Variants in GFRA1 observed in about 807,000 individuals in gnomAD.
The protein encoded by GFRA1 is GDNF family receptor alpha 1, also known as GDNF family receptor alpha-1.
GFRA1 carries 16 observed loss-of-function variants against 51.6 expected under a neutral mutation model. The ratio of observed to expected loss-of-function variants is 0.31; its 90% CI spans 0.21 to 0.47. GFRA1 has a LOEUF of 0.47. Among genes scored for constraint, GFRA1 ranks in the 20% least tolerant of loss-of-function variants. GFRA1 has a pLI of 1.00. For synonymous variants in GFRA1, 270 were observed against 241.3 expected (o/e 1.12, Z -1.10); for missense variants, 530 against 594.3 (o/e 0.89, Z 1.13).
chr10:116,217,078 G>C (rs1965615320), intron 4 of GFRA1, among the ~76,000 whole-genome samples: 1 of 152,110 alleles, frequency 6.6e-6, no homozygotes, highest in Non-Finnish European at 1.5e-5. Flanking sequence ...CTCCCTACTT[G>C]TTGAGTACCC....
chr10:116,270,079 TAATAC>T (rs1262604520), intron 3 of GFRA1, among the ~76,000 whole-genome samples: 1 of 152,182 alleles, frequency 6.6e-6, no homozygotes, highest in Non-Finnish European at 1.5e-5. Flanking sequence ...CAAATCTGTA[TAATAC>T]AAATCTCCAG....
intron 4 of GFRA1, among the ~76,000 whole-genome samples, chr10:116,228,927 GC>G (rs1225633740): frequency 7.7e-6 from 1 of 129,942 alleles, no homozygotes; most frequent in East Asian, 2.6e-4. Context: ...GTTGCAGTGA[GC>G]CAAGATCGCG....
chr10:116,100,347 C>T (rs1007196700), intron 6 of GFRA1, among the ~76,000 whole-genome samples: 13 of 152,178 alleles, frequency 8.5e-5, no homozygotes, highest in Non-Finnish European at 1.2e-4. Flanking sequence ...AACCGAGGCA[C>T]GGAGCCTTTA....
intron 4 of GFRA1, among the ~76,000 whole-genome samples, chr10:116,265,133 T>A (rs1969563363): frequency 1.3e-5 from 2 of 152,232 alleles, no homozygotes; most frequent in African/African-American, 4.8e-5. Context: ...CATCTCATCC[T>A]GGAGCAAACC....
At chr10:116,254,517 A>AAAAG (rs1555173331) in intron 4 of GFRA1, among the ~76,000 whole-genome samples, 6 of 151,480 alleles carry the variant, frequency 4.0e-5, no homozygotes, top group Middle Eastern at 3.4e-3. Context: ...TTAAAAAAAA[A>AAAAG]AAGAAGAAGA....
rs760098275 is a variant in GFRA1, at chr10:116,089,870, T to C, written c.1068A>G (p.Pro356=). ...CAGTGGTGGTCTGTACTGGGAAGGC[T>C]GGCTGCCACACGGTCACATCGGAGC... ...GNGSDVTVWQ[P]AFPVQTTTAT... Residue 356 remains proline (P), a synonymous_variant, in exon 9 of 11, where the codon CCA becomes CCG. Coordinates refer to ENST00000355422, the MANE Select transcript of GFRA1 (RefSeq NM_005264.8). 1 of 1,614,030 alleles carries C rather than the reference T, an allele frequency of 6.2e-7. No homozygotes were observed. Among genetic ancestry groups the C allele is most frequent in the East Asian group, 2.2e-5 (1 of 44,870 alleles).
intron 5 of GFRA1, among the ~76,000 whole-genome samples, chr10:116,208,606 C>G (rs989714754): frequency 6.6e-6 from 1 of 152,142 alleles, no homozygotes; most frequent in Non-Finnish European, 1.5e-5. Flanking sequence ...CAGTTGACAG[C>G]GCAGGGAGAA....
At chr10:116,245,648 C>T (rs1199129795) in intron 4 of GFRA1, among the ~76,000 whole-genome samples, 1 of 152,180 alleles carries the variant, frequency 6.6e-6, no homozygotes, top group Non-Finnish European at 1.5e-5. Flanking sequence ...TAGCTTTATT[C>T]ATAATAAAAC....
intron 9 of GFRA1, among the ~76,000 whole-genome samples, chr10:116,069,197 G>A (rs919972415): frequency 6.6e-6 from 1 of 152,180 alleles, no homozygotes; most frequent in African/African-American, 2.4e-5. Flanking sequence ...AAGAGATGAA[G>A]AAGAGAAGAT....
intron 10 of GFRA1, among the ~76,000 whole-genome samples, chr10:116,064,829 A>G (rs984584159): frequency 6.6e-6 from 1 of 152,210 alleles, no homozygotes; most frequent in Admixed American, 6.5e-5. Context: ...ATCTGAGTTC[A>G]GGTACCCCTG....
intron 9 of GFRA1, among the ~76,000 whole-genome samples, chr10:116,085,179 C>T (rs564904924): frequency 6.6e-6 from 1 of 152,318 alleles, no homozygotes; most frequent in African/African-American, 2.4e-5. Context: ...TCCATAGCCA[C>T]CTAGTTCCCC....
chr10:116,229,735 G>A (rs191562281), intron 4 of GFRA1, among the ~76,000 whole-genome samples: 7 of 152,218 alleles, frequency 4.6e-5, no homozygotes, highest in East Asian at 1.9e-4. Flanking sequence ...CTAATACATC[G>A]ACATTTTAAG....
At chr10:116,137,246 G>T (rs1164588890) in intron 5 of GFRA1, among the ~76,000 whole-genome samples, 1 of 152,096 alleles carries the variant, frequency 6.6e-6, no homozygotes, top group Non-Finnish European at 1.5e-5. Context: ...TAAAGCCAAA[G>T]AATCAGCTGA....
intron 6 of GFRA1, among the ~76,000 whole-genome samples, chr10:116,113,936 A>T (rs1957310932): frequency 6.6e-6 from 1 of 152,146 alleles, no homozygotes; most frequent in Non-Finnish European, 1.5e-5. Flanking sequence ...CGTCACCGCC[A>T]TCCACTCGTT....
chr10:116,147,794 A>G (rs1958871834), intron 5 of GFRA1, among the ~76,000 whole-genome samples: 1 of 152,104 alleles, frequency 6.6e-6, no homozygotes, highest in Non-Finnish European at 1.5e-5. Flanking sequence ...AAAAGGTCTC[A>G]GGTTAAAAAT....
At chr10:116,259,163 C>T (rs1182825445) in intron 4 of GFRA1, among the ~76,000 whole-genome samples, 1 of 152,190 alleles carries the variant, frequency 6.6e-6, no homozygotes, top group Non-Finnish European at 1.5e-5. Context: ...ACATTATTAA[C>T]TGTACACAAA....
At chr10:116,162,915 C>T (rs189148945) in intron 5 of GFRA1, among the ~76,000 whole-genome samples, 24 of 152,274 alleles carry the variant, frequency 1.6e-4, no homozygotes, top group Middle Eastern at 3.4e-3. Context: ...GGCTTCCAGT[C>T]GCCTGTCTGA....
At chr10:116,220,191 T>C (rs959494774) in intron 4 of GFRA1, among the ~76,000 whole-genome samples, 3 of 152,208 alleles carry the variant, frequency 2.0e-5, no homozygotes, top group African/African-American at 7.2e-5. Flanking sequence ...CAAGATATTA[T>C]CTCAGTTTTA....
chr10:116,081,490 T>A (rs541895362), intron 9 of GFRA1, among the ~76,000 whole-genome samples: 2 of 152,254 alleles, frequency 1.3e-5, no homozygotes, highest in African/African-American at 4.8e-5. Context: ...GGTAATACAG[T>A]GTAGCCATTT....
Sources: gnomAD v4.1 joint callset for allele counts (sites outside exome capture counted in the v4.1 genomes callset) on GRCh38, gnomAD v4.1.1 for gene constraint, MANE v1.5 for transcripts, NCBI Gene and HGNC (gene_info 2026-07-23, HGNC 2026-07-21) for gene names.